IGF1R: variants seen among roughly 807,000 people sequenced by gnomAD.
The protein encoded by IGF1R is insulin-like growth factor 1 receptor.
A neutral mutation model predicts 144.6 loss-of-function variants in IGF1R; 44 were observed. The observed-to-expected ratio is 0.30, with a 90% CI of 0.24 to 0.39. The LOEUF is 0.39. IGF1R is among the 10% of genes least tolerant of loss of function. IGF1R has a pLI of 1.00. For missense variants in IGF1R, 1,355 were observed against 1,833.7 expected, an observed-to-expected ratio of 0.74 and a Z score of 4.77; for synonymous variants, 795 against 722.8, an observed-to-expected ratio of 1.10 and a Z score of -1.60.
At chr15:98,713,614 T>C (rs1250588798) in intron 2 of IGF1R, among the ~76,000 whole-genome samples, 1 of 152,216 alleles carries the variant, frequency 6.6e-6, no homozygotes, top group Non-Finnish European at 1.5e-5. Flanking sequence ...TAAGGCAGTT[T>C]TGCTGAAGGC....
At chr15:98,867,367 TTAATA>T (rs1362259545) in intron 2 of IGF1R, among the ~76,000 whole-genome samples, 2 of 152,212 alleles carry the variant, frequency 1.3e-5, no homozygotes, top group Admixed American at 1.3e-4. Context: ...AAGTTATATA[TTAATA>T]TGAGTAGTGA....
intron 2 of IGF1R, among the ~76,000 whole-genome samples, chr15:98,721,588 G>A (rs879223655): frequency 3.3e-5 from 5 of 152,188 alleles, no homozygotes; most frequent in African/African-American, 1.2e-4. Flanking sequence ...TCTTGGACCA[G>A]AGACAAAAGA....
intron 2 of IGF1R, among the ~76,000 whole-genome samples, chr15:98,714,220 C>T (rs1012983404): frequency 3.3e-5 from 5 of 151,946 alleles, no homozygotes; most frequent in African/African-American, 1.2e-4. Context: ...TTCTTATATC[C>T]TTGTTTGTCA....
At chr15:98,833,188 G>C (rs1310572543) in intron 2 of IGF1R, among the ~76,000 whole-genome samples, 2 of 152,186 alleles carry the variant, frequency 1.3e-5, no homozygotes, top group Non-Finnish European at 2.9e-5. Context: ...AATCAGCCAA[G>C]ATTCTTGTAT....
chr15:98,771,627 G>A (rs144540164), intron 2 of IGF1R, among the ~76,000 whole-genome samples: 66 of 152,300 alleles, frequency 4.3e-4, no homozygotes, highest in Non-Finnish European at 7.2e-4. Context: ...CTGCATGCAT[G>A]TTGAAAAGAG....
chr15:98,896,899 C>A lies in IGF1R; in HGVS notation c.1096C>A (p.Arg366=). Residue 366 remains arginine, a synonymous_variant, in exon 4 of 21, where the codon CGG becomes AGG. Coordinates refer to ENST00000650285, the MANE Select transcript of IGF1R (RefSeq NM_000875.5). ...GGGCAATTTGCTCATTAACATCCGACGGGGGAGTAAGTATTCCATCCCCCT... is the reference window on the plus strand; with the variant it reads ...GGGCAATTTGCTCATTAACATCCGAAGGGGGAGTAAGTATTCCATCCCCCT... ...FKGNLLINIR[R]GNNIASELEN... 6.2e-7 allele frequency: 1 copy of A among 1,613,964 alleles called. No homozygotes were observed. Among genetic ancestry groups the A allele is most frequent in the African/African-American group, 1.3e-5 (1 of 75,022 alleles).
Position 98,899,518 on chromosome 15 carries a change from G to A in IGF1R, c.1144G>A (p.Glu382Lys), listed in dbSNP as rs2151656819. The change falls in exon 5 of 21, where the codon GAG becomes AAG. Residue 382 changes from glutamate to lysine, a missense_variant. Around this residue, in one of 7 missense-constraint regions of IGF1R, gnomAD observed 880 missense variants for 1,202.7 expected, o/e 0.73. Transcript: ENST00000650285. Reference protein sequence around the residue: ...SELENFMGLIEVVTGYVKIRH... With the variant: ...SELENFMGLIKVVTGYVKIRH... ...GCTGGAGAACTTCATGGGGCTCATC[G>A]AGGTGGTGACGGGCTACGTGAAGAT... The A allele has an allele frequency of 1.9e-6, 3 of 1,614,116 alleles. No individual in the cohort carries two copies. The highest frequency in any genetic ancestry group is 1.1e-5 in the South Asian group (1 of 91,080).
intron 2 of IGF1R, among the ~76,000 whole-genome samples, chr15:98,728,182 C>G (rs1241174443): frequency 1.3e-5 from 2 of 152,080 alleles, no homozygotes; most frequent in Non-Finnish European, 2.9e-5. Flanking sequence ...TCTGTAAACA[C>G]ACCCCCAGCT....
intron 1 of IGF1R, among the ~76,000 whole-genome samples, chr15:98,697,805 TC>T: frequency 1.5e-5 from 1 of 65,552 alleles, no homozygotes; most frequent in East Asian, 3.9e-4. Context: ...TGGCGCGATC[TC>T]TGCTCACTGC....
intron 2 of IGF1R, among the ~76,000 whole-genome samples, chr15:98,845,674 A>T (rs565235556): frequency 6.6e-6 from 1 of 151,768 alleles, no homozygotes; most frequent in East Asian, 1.9e-4. Context: ...CTTCTGTTCT[A>T]CTACTGCATC....
intron 19 of IGF1R, among the ~76,000 whole-genome samples, chr15:98,946,046 G>A (rs1236941050): frequency 2.0e-5 from 3 of 151,992 alleles, no homozygotes; most frequent in Non-Finnish European, 2.9e-5. Flanking sequence ...TGACAGCGTC[G>A]TCGTCGTCCT....
intron 9 of IGF1R, 164 bp from the exon 10 acceptor site, chr15:98,916,508 C>G: frequency 1.4e-6 from 1 of 705,292 alleles, no homozygotes; most frequent in Non-Finnish European, 2.5e-6. Context: ...GTGATTTGCC[C>G]GCCTCGGCCT....
chr15:98,895,020 C>CAAAAAAAAAAA (rs368393677), intron 3 of IGF1R, among the ~76,000 whole-genome samples: 62 of 112,490 alleles, frequency 5.5e-4, no homozygotes, highest in African/African-American at 1.4e-3. Flanking sequence ...GACCCTGTCT[C>CAAAAAAAAAAA]AAAAAAAAAA....
intron 1 of IGF1R, among the ~76,000 whole-genome samples, chr15:98,682,919 C>G (rs4966012): frequency 0.58 from 87,191 of 151,156 alleles, 27,029 homozygotes; most frequent in East Asian, 0.69. Flanking sequence ...ACTTTTCTTG[C>G]TATGCATTTA....
At chr15:98,835,292 A>C (rs2057079551) in intron 2 of IGF1R, among the ~76,000 whole-genome samples, 1 of 152,158 alleles carries the variant, frequency 6.6e-6, no homozygotes, top group Non-Finnish European at 1.5e-5. Flanking sequence ...ACTTGTTGCT[A>C]TTATGTGTAG....
chr15:98,697,445 C>G (rs891782738), intron 1 of IGF1R, among the ~76,000 whole-genome samples: 1 of 152,118 alleles, frequency 6.6e-6, no homozygotes, highest in Non-Finnish European at 1.5e-5. Flanking sequence ...CAGTGCAGCA[C>G]TCCTGGGGGA....
chr15:98,883,866 T>C (rs536072230), intron 2 of IGF1R, among the ~76,000 whole-genome samples: 2 of 152,158 alleles, frequency 1.3e-5, no homozygotes, highest in Non-Finnish European at 2.9e-5. Flanking sequence ...GCTCTTTTTA[T>C]TGTCACTCTG....
chr15:98,852,343 C>T (rs1248818710), intron 2 of IGF1R, among the ~76,000 whole-genome samples: 1 of 152,066 alleles, frequency 6.6e-6, no homozygotes, highest in Non-Finnish European at 1.5e-5. Flanking sequence ...GGAGCGGGCA[C>T]CCCGCGCCCG....
chr15:98,649,385 C>T lies in IGF1R; in HGVS notation c.-197C>T, dbSNP rs1207458599. 6.5e-6 allele frequency: 2 copies of T among 308,428 alleles called. No individual in the cohort carries two copies. Among genetic ancestry groups the T allele is most frequent in the Non-Finnish European group, 1.2e-5 (2 of 172,460 alleles). 19.1% of individuals were successfully genotyped at this position (308,428 alleles called of 1,614,324 possible). ...CCGGCGCTGAGGGGCCGCCCCGCGC[C>T]GCCCGCCCCGTCCGCGCACCCGGAG... On this transcript the variant is annotated 5_prime_UTR_variant, in exon 1 of 21. Coordinates refer to ENST00000650285, the MANE Select transcript of IGF1R (RefSeq NM_000875.5).
Sources: gnomAD v4.1 joint callset for allele counts (sites outside exome capture counted in the v4.1 genomes callset) on GRCh38, gnomAD v4.1.1 for gene constraint, gnomAD v4.1.1 regional missense constraint, MANE v1.5 for transcripts, NCBI Gene and HGNC (gene_info 2026-07-23, HGNC 2026-07-21) for gene names.